Variants in PIEZO2 observed in about 807,000 individuals in gnomAD.
PIEZO2 encodes the protein piezo-type mechanosensitive ion channel component 2.
A neutral mutation model predicts 337.3 loss-of-function variants in PIEZO2; 172 were observed. That is an observed-to-expected ratio of 0.51 (90% confidence interval 0.45 to 0.58). The LOEUF (loss-of-function observed/expected upper bound fraction) is 0.58, where lower values mean the gene tolerates loss of function less well. PIEZO2 is among the 20% of genes least tolerant of loss of function. The pLI, the probability that PIEZO2 is intolerant of heterozygous loss-of-function variation, is 0.00. For missense variants in PIEZO2, 3,028 were observed against 3,391.3 expected, an observed-to-expected ratio of 0.89 and a Z score of 2.66; for synonymous variants, 1,251 against 1,228.5, an observed-to-expected ratio of 1.02 and a Z score of -0.38.
chr18:10,864,987 C>T (rs756663661), intron 5 of PIEZO2, among the ~76,000 whole-genome samples: 7 of 152,098 alleles, frequency 4.6e-5, no homozygotes, highest in Non-Finnish European at 7.3e-5. Flanking sequence ...AGAGCATCTG[C>T]ACAAGAGCAA....
At chr18:10,944,209 C>T (rs1248536665) in intron 3 of PIEZO2, among the ~76,000 whole-genome samples, 1 of 151,620 alleles carries the variant, frequency 6.6e-6, no homozygotes, top group Non-Finnish European at 1.5e-5. Context: ...TCAGTTTGGG[C>T]ACAAGTGAAT....
rs1483490757 is a variant in PIEZO2 at position 10,762,526 on chromosome 18, A to C, written c.3223T>G (p.Ser1075Ala). Residue 1075 changes from serine (S) to alanine (A), a missense_variant, in exon 23 of 56, where the codon TCT becomes GCT. Ser to Ala is a moderately conservative substitution (Grantham distance 99). Around this residue, in one of 5 missense-constraint regions of PIEZO2, gnomAD observed 1,925 missense variants for 2,051.9 expected, o/e 0.94. Coordinates refer to ENST00000674853, the MANE Select transcript of PIEZO2 (RefSeq NM_001378183.1). ...CTCAGGTAGACTAGCAGAGGCGAAG[A>C]CTTCCGCAGGCCGACCCACTCTGTA... ...DPTEWVGLRK[S>A]SPLLVYLRNN... is the part of the protein sequence containing the mutation. The C allele has an allele frequency of 1.3e-6, 2 of 1,537,208 alleles. No individual in the cohort carries two copies. The highest frequency in any genetic ancestry group is 8.7e-7 in the Non-Finnish European group (1 of 1,146,930).
Position 10,731,412 on chromosome 18 carries a change from T to C in PIEZO2, c.5024A>G (p.Lys1675Arg), listed in dbSNP as rs1010724518. Residue 1675 changes from lysine to arginine, a missense_variant, in exon 36 of 56, where the codon AAG becomes AGG. Physicochemically the swap from Lys to Arg is conservative, Grantham distance 26. Around this residue, in one of 5 missense-constraint regions of PIEZO2, gnomAD observed 1,925 missense variants for 2,051.9 expected, o/e 0.94. Transcript: ENST00000674853. The part of the protein sequence containing the change: ...EERKRRRKGS[K>R]EGPVEWEDRE... ...CCACCCCACCCACCACTCACCCTCC[T>C]TGGATCCTTTCCGCCTTCGTTTCCG... 11 of 1,533,550 alleles carry C rather than the reference T, an allele frequency of 7.2e-6. No homozygotes were observed. In the African/African-American group the frequency reaches 1.2e-4, roughly 17 times the overall value. 95.0% of individuals were successfully genotyped at this position (1,533,550 alleles called of 1,614,324 possible). A position where few individuals can be genotyped will look rare whatever the true frequency, so the allele number is the denominator to read the frequency against.
In PIEZO2 at chr18:10,861,649, A is replaced by T. The variant is rs913506974; in HGVS notation, c.493-4438T>A. The stretch of plus-strand genomic sequence containing the variant: ...GGCAGATGCTGATCAAGGGGTACAA[A>T]ATTTCACTTAGACATGAAGAATGAT... On this transcript the variant is annotated intron_variant, in intron 5 of 55. Coordinates refer to ENST00000674853, the MANE Select transcript of PIEZO2 (RefSeq NM_001378183.1). This position sits in a 1 kb window ranked among gnomAD's most constrained non-coding sequence, Gnocchi z 4.3. Among the ~76,000 whole-genome samples the T allele has an allele frequency of 6.6e-6, 1 of 152,216 alleles. No homozygotes were observed. Among genetic ancestry groups the T allele is most frequent in the African/African-American group, 2.4e-5 (1 of 41,456 alleles).
chr18:11,060,766 T>C (rs540707918), intron 2 of PIEZO2, among the ~76,000 whole-genome samples: 378 of 152,234 alleles, frequency 2.5e-3, no homozygotes, highest in Non-Finnish European at 4.4e-3. Context: ...CAATAATTAA[T>C]AGCTTACCAA....
At chr18:11,014,886 T>C (rs1373280529) in intron 2 of PIEZO2, among the ~76,000 whole-genome samples, 2 of 130,122 alleles carry the variant, frequency 1.5e-5, no homozygotes, top group East Asian at 5.1e-4. Context: ...CCCTCATTCC[T>C]CAGTGTGGGG....
intron 3 of PIEZO2, among the ~76,000 whole-genome samples, chr18:10,924,186 G>A (rs264271): frequency 0.63 from 96,279 of 152,070 alleles, 31,107 homozygotes; most frequent in African/African-American, 0.76. Flanking sequence ...AAGCAAAAGT[G>A]TGAGTTAAAA....
intron 1 of PIEZO2, among the ~76,000 whole-genome samples, chr18:11,079,697 C>T (rs1224754655): frequency 6.6e-6 from 1 of 152,150 alleles, no homozygotes; most frequent in African/African-American, 2.4e-5. Flanking sequence ...TGCCCCCTGC[C>T]CAACAGTAAA....
At chr18:10,997,650 C>G (rs2035375103) in intron 2 of PIEZO2, among the ~76,000 whole-genome samples, 1 of 152,040 alleles carries the variant, frequency 6.6e-6, no homozygotes, top group African/African-American at 2.4e-5. Context: ...ACCTAATGGT[C>G]TCAAGAGCAG....
Position 11,149,536 on chromosome 18 carries a change from G to T in PIEZO2, c.-948C>A, listed in dbSNP as rs1486275410. On this transcript the variant is annotated 5_prime_UTR_variant, in exon 1 of 56. Coordinates refer to ENST00000674853, the MANE Select transcript of PIEZO2 (RefSeq NM_001378183.1). The surrounding 1 kb of genome is among the most constrained non-coding windows in gnomAD (Gnocchi z 8.7). ...GCCTCGCCCTCGCGGCGCAGCCGGGGCTCCCCGGCGGCGCGCGCTTCTCCA... is the reference window on the plus strand; with the variant it reads ...GCCTCGCCCTCGCGGCGCAGCCGGGTCTCCCCGGCGGCGCGCGCTTCTCCA... Among the ~76,000 whole-genome samples the T allele has an allele frequency of 1.3e-5, 2 of 151,774 alleles. No homozygotes were observed. Among genetic ancestry groups the T allele is most frequent in the African/African-American group, 2.4e-5 (1 of 41,428 alleles).
chr18:10,959,668 C>A (rs2033683988), intron 3 of PIEZO2, among the ~76,000 whole-genome samples: 1 of 152,114 alleles, frequency 6.6e-6, no homozygotes, highest in Non-Finnish European at 1.5e-5. Context: ...CATGAAATTA[C>A]AAAGTCCCAT....
rs140829665 is a variant in PIEZO2, at chr18:10,856,271, T to C, written c.704-705A>G. Among the ~76,000 whole-genome samples the C allele has an allele frequency of 0.011, 1,689 of 152,310 alleles. 28 individuals are homozygous for C. Among genetic ancestry groups the C allele is most frequent in the Non-Finnish European group, 0.013 (877 of 68,024 alleles). On this transcript the variant is annotated intron_variant, in intron 6 of 55. Coordinates refer to ENST00000674853, the MANE Select transcript of PIEZO2 (RefSeq NM_001378183.1). This position sits in a 1 kb window ranked among gnomAD's most constrained non-coding sequence, Gnocchi z 4.7. ...ACCTTAGGGCAAAAGGAGTCTGTTT[T>C]ATTGGGCATTTTGAAAGGACTCCTC...
chr18:10,824,032 T>A lies in PIEZO2; in HGVS notation c.918-16758A>T, dbSNP rs748816486. On this transcript the variant is annotated intron_variant, in intron 7 of 55. Coordinates refer to ENST00000674853, the MANE Select transcript of PIEZO2 (RefSeq NM_001378183.1). This position sits in a 1 kb window ranked among gnomAD's most constrained non-coding sequence, Gnocchi z 4.4. ...CTAAGGTCAGTGTATATCATTCCCA[T>A]GAATATTTAACTCACTTTTTCTACA... Among the ~76,000 whole-genome samples the A allele has an allele frequency of 6.6e-6, 1 of 152,224 alleles. No homozygotes were observed. The highest frequency in any genetic ancestry group is 1.5e-5 in the Non-Finnish European group (1 of 68,038).
chr18:10,882,097 TAGGTACGGACA>T (rs2042436925), intron 4 of PIEZO2, among the ~76,000 whole-genome samples: 1 of 152,162 alleles, frequency 6.6e-6, no homozygotes, highest in Non-Finnish European at 1.5e-5. Context: ...GGGCAATATT[TAGGTACGGACA>T]AGGTCATACA....
In PIEZO2 at chr18:10,697,799, A is replaced by T. The variant is rs780202686; in HGVS notation, c.6776T>A (p.Met2259Lys). ...IKQKGKRELY[M>K]EKLQEHLIKA... is the part of the protein sequence containing the mutation. ...GATTAAATGTTCTTGAAGCTTTTCCATATAAAGTTCCCTTTTGCCTTTTTG... is the reference window on the plus strand; with the variant it reads ...GATTAAATGTTCTTGAAGCTTTTCCTTATAAAGTTCCCTTTTGCCTTTTTG... Residue 2259 changes from methionine (M) to lysine (K), a missense_variant, in exon 45 of 56, where the codon ATG becomes AAG. Physicochemically the swap from Met to Lys is moderately conservative, Grantham distance 95 (BLOSUM62 -1). Transcript: ENST00000674853. The T allele has an allele frequency of 2.5e-6, 4 of 1,614,236 alleles. No homozygotes were observed. The highest frequency in any genetic ancestry group is 3.3e-5 in the Admixed American group (2 of 60,036).
chr18:10,916,598 G>A lies in PIEZO2; in HGVS notation c.287-5370C>T, dbSNP rs1027648875. ...CTGAGTGTGGGGTCCGTGAGGCCGC[G>A]CCCATCTAGAACTCGCGTCGGCCGG... On this transcript the variant is annotated intron_variant, in intron 3 of 55. Coordinates refer to ENST00000674853, the MANE Select transcript of PIEZO2 (RefSeq NM_001378183.1). Among the ~76,000 whole-genome samples the A allele has an allele frequency of 1.2e-4, 18 of 152,262 alleles. 1 individual carries two copies. In the South Asian group the frequency reaches 1.7e-3, roughly 14 times the overall value.
intron 43 of PIEZO2, among the ~76,000 whole-genome samples, chr18:10,699,809 T>G (rs763723287): frequency 6.6e-6 from 1 of 152,186 alleles, no homozygotes; most frequent in Non-Finnish European, 1.5e-5. Flanking sequence ...GGATGGAAAG[T>G]CACCCTGATG....
At chr18:11,059,470 T>C (rs1300720706) in intron 2 of PIEZO2, among the ~76,000 whole-genome samples, 1 of 152,152 alleles carries the variant, frequency 6.6e-6, no homozygotes, top group Non-Finnish European at 1.5e-5. Flanking sequence ...GCAAATTGGA[T>C]AAAGAGTCAA....
intron 7 of PIEZO2, among the ~76,000 whole-genome samples, chr18:10,835,353 G>T (rs1283992397): frequency 6.7e-6 from 1 of 150,024 alleles, no homozygotes; most frequent in Middle Eastern, 3.2e-3. Context: ...TACTGAACAA[G>T]AAGCCACAGA....
Sources: gnomAD v4.1 joint callset for allele counts (sites outside exome capture counted in the v4.1 genomes callset) on GRCh38, gnomAD v4.1.1 for gene constraint, gnomAD v4.1.1 regional missense constraint, Gnocchi (gnomAD v3.1) non-coding constraint, MANE v1.5 for transcripts, NCBI Gene and HGNC (gene_info 2026-07-23, HGNC 2026-07-21) for gene names.